Variants in GRIK1 observed in about 807,000 individuals in gnomAD.
The protein encoded by GRIK1 is glutamate receptor ionotropic, kainate 1.
A neutral mutation model predicts 105.7 loss-of-function variants in GRIK1; 69 were observed. The observed-to-expected ratio is 0.65, with a 90% CI of 0.54 to 0.80. GRIK1 has a LOEUF of 0.80. Ranked by LOEUF, GRIK1 falls within the 30% of genes least tolerant of loss-of-function variation. The pLI, the probability that GRIK1 is intolerant of heterozygous loss-of-function variation, is 0.00. For synonymous variants in GRIK1, 438 were observed against 431.3 expected, an observed-to-expected ratio of 1.02 and a Z score of -0.19; for missense variants, 1,109 against 1,167.3, an observed-to-expected ratio of 0.95 and a Z score of 0.73.
At chr21:29,662,242 C>G (rs761917907) in intron 4 of GRIK1, among the ~76,000 whole-genome samples, 3 of 152,162 alleles carry the variant, frequency 2.0e-5, no homozygotes, top group Non-Finnish European at 4.4e-5. Context: ...CCCAGGTGCA[C>G]AACAGATGAG....
At chr21:29,716,421 T>C (rs1298350881) in intron 1 of GRIK1, among the ~76,000 whole-genome samples, 1 of 152,128 alleles carries the variant, frequency 6.6e-6, no homozygotes, top group Non-Finnish European at 1.5e-5. Context: ...TCCTAGAGAC[T>C]TAGAGGGCTC....
intron 14 of GRIK1, among the ~76,000 whole-genome samples, chr21:29,565,599 A>AT (rs776780545): frequency 2.2e-4 from 34 of 151,946 alleles, no homozygotes; most frequent in Non-Finnish European, 4.9e-4. Context: ...TGCCCAGCTA[A>AT]TTTTTTGTAT....
rs181733070 is a variant in GRIK1 at position 29,838,473 on chromosome 21, A to G, written c.118+100910T>C. On this transcript the variant is annotated intron_variant, in intron 1 of 17. Transcript: ENST00000327783. ...AAGTGGGAACTGAAATCCATGATGG[A>G]TTAAGAAGTTGTAAGTGACTCCTGC... is the stretch of plus-strand genomic sequence containing the variant. Among the ~76,000 whole-genome samples the G allele has an allele frequency of 2.0e-5, 3 of 152,270 alleles. No homozygotes were observed. The East Asian group carries it at 5.8e-4, about 29-fold the overall frequency.
At chr21:29,794,392 G>A (rs1442516105) in intron 1 of GRIK1, among the ~76,000 whole-genome samples, 1 of 152,212 alleles carries the variant, frequency 6.6e-6, no homozygotes. Flanking sequence ...CACTGTGTTA[G>A]AGAAACATTA....
intron 1 of GRIK1, among the ~76,000 whole-genome samples, chr21:29,799,022 A>C (rs2066632441): frequency 6.6e-6 from 1 of 152,186 alleles, no homozygotes. Flanking sequence ...TATCTCAGAG[A>C]ACACCTGAGA....
chr21:29,543,733 T>C (rs2090007517), intron 16 of GRIK1, among the ~76,000 whole-genome samples: 1 of 152,146 alleles, frequency 6.6e-6, no homozygotes, highest in African/African-American at 2.4e-5. Context: ...TAAAGAATGT[T>C]GGGGTGAAGG....
intron 1 of GRIK1, among the ~76,000 whole-genome samples, chr21:29,901,325 CA>C (rs929509100): frequency 1.2e-4 from 18 of 152,148 alleles, no homozygotes; most frequent in African/African-American, 4.1e-4. Flanking sequence ...CATAGAGACA[CA>C]AAATACCCTT....
At chr21:29,909,496 T>C (rs2070744748) in intron 1 of GRIK1, among the ~76,000 whole-genome samples, 1 of 151,862 alleles carries the variant, frequency 6.6e-6, no homozygotes, top group Admixed American at 6.6e-5. Flanking sequence ...AAATAGAATG[T>C]TACTAAAATA....
chr21:29,591,149 G>C lies in GRIK1; in HGVS notation c.1328C>G (p.Ser443Ter), dbSNP rs201847434. The C allele has an allele frequency of 1.2e-6, 2 of 1,608,430 alleles. No homozygotes were observed. Among genetic ancestry groups the C allele is most frequent in the Non-Finnish European group, 1.7e-6 (2 of 1,174,750 alleles). ...GACAATGAGTGTTCTGTTGGCCAATGAATCAGTGATATTGCTGGACTTGTC... is the reference window on the plus strand; with the variant it reads ...GACAATGAGTGTTCTGTTGGCCAATCAATCAGTGATATTGCTGGACTTGTC... Reference protein sequence around the residue: ...NKDKSSNITDSLANRTLIVTT... With the variant: ...NKDKSSNITD The change falls in exon 10 of 18, where the codon TCA (serine) becomes TGA (stop). Residue 443 changes from serine (S) to a stop codon, truncating the protein, a stop_gained. Coordinates refer to ENST00000327783, the MANE Select transcript of GRIK1 (RefSeq NM_001330994.2). LOFTEE classifies it high-confidence loss of function.
At chr21:29,729,959 G>T (rs1197923351) in intron 1 of GRIK1, among the ~76,000 whole-genome samples, 2 of 152,178 alleles carry the variant, frequency 1.3e-5, no homozygotes, top group Admixed American at 6.6e-5. Flanking sequence ...TCCCTGGATT[G>T]AAAGAAGAAA....
intron 1 of GRIK1, among the ~76,000 whole-genome samples, chr21:29,710,835 CCTTCCTT>C (rs1475711329): frequency 4.6e-5 from 4 of 87,378 alleles, no homozygotes; most frequent in Non-Finnish European, 7.3e-5. Context: ...TTCCTTCCTT[CCTTCCTT>C]TTCTCTCCCT....
intron 1 of GRIK1, chr21:29,861,577 G>A (rs374554678): frequency 5.4e-6 from 1 of 184,686 alleles, no homozygotes; most frequent in South Asian, 5.1e-5. Flanking sequence ...CAAAGTGTGG[G>A]ATTATAGGTG....
At chr21:29,766,010 C>T (rs983682019) in intron 1 of GRIK1, among the ~76,000 whole-genome samples, 1 of 151,960 alleles carries the variant, frequency 6.6e-6, no homozygotes, top group Non-Finnish European at 1.5e-5. Flanking sequence ...CGCCACCACG[C>T]CCGGCTAATT....
intron 1 of GRIK1, among the ~76,000 whole-genome samples, chr21:29,817,856 G>A (rs950777797): frequency 6.6e-6 from 1 of 152,088 alleles, no homozygotes; most frequent in South Asian, 2.1e-4. Context: ...CCCAATATGA[G>A]AAAATACGCT....
intron 13 of GRIK1, among the ~76,000 whole-genome samples, chr21:29,577,858 CA>C (rs2090932542): frequency 6.6e-6 from 1 of 152,194 alleles, no homozygotes; most frequent in African/African-American, 2.4e-5. Flanking sequence ...ACTTCAAAGA[CA>C]GGCTGTTCCT....
At chr21:29,658,651 CT>C (rs756023429) in intron 4 of GRIK1, among the ~76,000 whole-genome samples, 5 of 152,192 alleles carry the variant, frequency 3.3e-5, no homozygotes, top group Non-Finnish European at 5.9e-5. Context: ...CAACCCAGCC[CT>C]TTTGTTAACA....
intron 3 of GRIK1, among the ~76,000 whole-genome samples, chr21:29,681,667 C>G (rs1049618187): frequency 6.6e-6 from 1 of 152,166 alleles, no homozygotes; most frequent in Non-Finnish European, 1.5e-5. Flanking sequence ...GACTCACCAC[C>G]GTTCAACAAT....
chr21:29,936,431 A>T (rs897203165), intron 1 of GRIK1, among the ~76,000 whole-genome samples: 6 of 152,200 alleles, frequency 3.9e-5, no homozygotes, highest in African/African-American at 1.4e-4. Context: ...ATTAAGGAAG[A>T]TATTTGTGAT....
chr21:29,667,081 C>T (rs527903212), intron 4 of GRIK1, among the ~76,000 whole-genome samples: 43 of 152,192 alleles, frequency 2.8e-4, no homozygotes, highest in African/African-American at 9.6e-4. Flanking sequence ...CTGAGGTCTT[C>T]GGCCTTTTCT....
Sources: gnomAD v4.1 joint callset for allele counts (sites outside exome capture counted in the v4.1 genomes callset) on GRCh38, gnomAD v4.1.1 for gene constraint, MANE v1.5 for transcripts, NCBI Gene and HGNC (gene_info 2026-07-23, HGNC 2026-07-21) for gene names.